MZF1: variants seen among roughly 807,000 people sequenced by gnomAD.
MZF1 encodes the protein zinc finger and SCAN domain-containing protein 6.
Under a neutral mutation model 28.6 loss-of-function variants are expected in MZF1, and 24 were observed. The observed-to-expected ratio is 0.84, with a 90% CI of 0.61 to 1.18. The LOEUF (loss-of-function observed/expected upper bound fraction) is 1.18, where lower values mean the gene tolerates loss of function less well. MZF1 is among the 50% of genes most tolerant of loss of function. MZF1 has a pLI of 0.00. For synonymous variants in MZF1, 516 were observed against 432.5 expected, an observed-to-expected ratio of 1.19 and a Z score of -2.40; for missense variants, 1,166 against 1,026.4, an observed-to-expected ratio of 1.14 and a Z score of -1.86.
At chr19:58,570,240 A>C in intron 3 of MZF1, 104 bp downstream of exon 3, 1 of 1,275,328 alleles carries the variant, frequency 7.8e-7, no homozygotes, top group Non-Finnish European at 1.1e-6. Flanking sequence ...AAACCATTCC[A>C]TTTATAACAA....
chr19:58,564,902 G>GGTTTTTTTTTTTTT (rs1872485914), intron 5 of MZF1, among the ~76,000 whole-genome samples: 1 of 41,954 alleles, frequency 2.4e-5, no homozygotes, highest in Non-Finnish European at 4.9e-5. Context: ...CCATGTGTGT[G>GGTTTTTTTTTTTTT]TTTTTTTTTT....
intron 1 of MZF1, chr19:58,571,856 A>G (rs1207011899): frequency 5.9e-6 from 1 of 170,130 alleles, no homozygotes; most frequent in Non-Finnish European, 1.3e-5. Flanking sequence ...ATTTTTCTGT[A>G]GGGATGGGAT....
intron 1 of MZF1, chr19:58,572,565 G>T (rs1263132379): frequency 7.8e-7 from 1 of 1,289,536 alleles, no homozygotes; most frequent in Non-Finnish European, 1.0e-6. Flanking sequence ...TCCTCGCGCT[G>T]TTCCTTCTGC....
chr19:58,563,001 G>A lies in MZF1; in HGVS notation c.1276C>T (p.Arg426Cys). ...TGCACTCTCCGATGCTCTTCCAGGC[G>A]CGCGCTGCGCACGAAGCCCTGGCCA... ...DCGQGFVRSARLEEHRRVHTG... is the reference protein window; with the variant it reads ...DCGQGFVRSACLEEHRRVHTG... The change falls in exon 6 of 6, where the codon CGC (arginine) becomes TGC (cysteine). Residue 426 changes from arginine to cysteine, a missense_variant. By Grantham distance (180) the Arg-to-Cys change is radical. Transcript: ENST00000215057. 1 of 1,601,930 alleles carries A rather than the reference G, an allele frequency of 6.2e-7. No individual in the cohort carries two copies. The highest frequency in any genetic ancestry group is 8.5e-7 in the Non-Finnish European group (1 of 1,179,666).
In MZF1 at chr19:58,563,554, G is replaced by A. The variant is rs1266939214; in HGVS notation, c.773-50C>T. The A allele has an allele frequency of 1.9e-5, 27 of 1,428,502 alleles. 1 individual carries two copies. The highest frequency in any genetic ancestry group is 1.8e-4 in the Middle Eastern group (1 of 5,602). The allele number at this position is 1,428,502 out of a possible 1,614,324, so 88.5% of individuals were successfully genotyped here. On this transcript the variant is annotated intron_variant, in intron 5 of 5. Transcript: ENST00000215057. ...TTCATGACAGAATGCCCACCGTGCCGGGACCCACTTCATCCCTGGGGACAC... is the reference window on the plus strand; with the variant it reads ...TTCATGACAGAATGCCCACCGTGCCAGGACCCACTTCATCCCTGGGGACAC...
rs1490659564 is a variant in MZF1 at position 58,571,048 on chromosome 19, C to T, written c.342G>A (p.Glu114=). The change falls in exon 2 of 6, where the codon GAG becomes GAA. Residue 114 remains glutamate (E), a synonymous_variant. Transcript: ENST00000215057. ...GCAGCCCATCTACTAGGGCAGCAGCCTCCTCGGGGCTGCCTGGCCGCTGCC... is the reference window on the plus strand; with the variant it reads ...GCAGCCCATCTACTAGGGCAGCAGCTTCCTCGGGGCTGCCTGGCCGCTGCC... ...VQGQRPGSPE[E]AAALVDGLRR... 1.9e-6 allele frequency: 3 copies of T among 1,612,818 alleles called. No homozygotes were observed. The East Asian group carries it at 6.7e-5, about 36-fold the overall frequency.
At chr19:58,572,340 A>G (rs112644002) in intron 1 of MZF1, among the ~76,000 whole-genome samples, 11 of 151,586 alleles carry the variant, frequency 7.3e-5, no homozygotes, top group African/African-American at 2.4e-4. Flanking sequence ...TCTAAGCCCA[A>G]CATCACACTA....
rs750692129 is a variant in MZF1, at chr19:58,570,500, C to T, written c.424G>A (p.Val142Ile). 3 of 1,613,320 alleles carry T rather than the reference C, an allele frequency of 1.9e-6. No homozygotes were observed. The highest frequency in any genetic ancestry group is 1.3e-5 in the African/African-American group (1 of 74,876). Residue 142 changes from valine (V) to isoleucine (I), a missense_variant, in exon 3 of 6, where the codon GTC (valine) becomes ATC (isoleucine). Val to Ile is a conservative substitution (Grantham distance 29, BLOSUM62 3). Coordinates refer to ENST00000215057, the MANE Select transcript of MZF1 (RefSeq NM_198055.2). ...WVTVQVQGQEVLSEKMEPSSF... is the reference protein window; with the variant it reads ...WVTVQVQGQEILSEKMEPSSF... Reference sequence around the variant, plus strand: ...GAGGGCTCCATCTTCTCTGATAGGACCTCCTGGCCCTGCACCTGGACTGTG... The same window carrying T: ...GAGGGCTCCATCTTCTCTGATAGGATCTCCTGGCCCTGCACCTGGACTGTG...
chr19:58,571,378 C>T lies in MZF1; in HGVS notation c.12G>A (p.Ala4=), dbSNP rs748435646. Residue 4 remains alanine, a synonymous_variant, in exon 2 of 6, where the codon GCG becomes GCA. Transcript: ENST00000215057. MRP[A]VLGSPDRAPP... is the part of the protein sequence containing the mutation. ...GTGCTCGGTCTGGGGAGCCCAGCAC[C>T]GCAGGCCTCATAGAGGGTACCAGGT... is the stretch of plus-strand genomic sequence containing the variant. 28 of 1,613,966 alleles carry T rather than the reference C, an allele frequency of 1.7e-5. 1 individual carries two copies. Among genetic ancestry groups the T allele is most frequent in the African/African-American group, 6.7e-5 (5 of 74,920 alleles).
intron 1 of MZF1, chr19:58,572,455 G>A: frequency 1.0e-6 from 1 of 983,570 alleles, no homozygotes; most frequent in Non-Finnish European, 1.4e-6. Flanking sequence ...TGCCGGAACA[G>A]GAGCCTGCAA....
intron 5 of MZF1, chr19:58,564,389 G>A (rs2053999003): frequency 6.6e-6 from 1 of 152,104 alleles, no homozygotes; most frequent in South Asian, 2.1e-4. Flanking sequence ...CAGGCAAAAG[G>A]CTAATTAACC....
At position 58,564,898 on chromosome 19, in the gene MZF1, G is replaced by GTTTTTTTTTTTTT. The variant is rs1600099960; in HGVS notation, c.773-1395_773-1394insAAAAAAAAAAAAA. On this transcript the variant is annotated intron_variant, in intron 5 of 5. Transcript: ENST00000215057. Reference sequence around the variant, plus strand: ...CAGGGTGGAGAATAAGCATCCATGTGTGTGTTTTTTTTTTTTTTTTTTTTT... The same window carrying GTTTTTTTTTTTTT: ...CAGGGTGGAGAATAAGCATCCATGTGTTTTTTTTTTTTTTGTGTTTTTTTTTTTTTTTTTTTTT... Among the ~76,000 whole-genome samples the GTTTTTTTTTTTTT allele has an allele frequency of 9.8e-4, 90 of 91,938 alleles. 17 individuals carry two copies. Among genetic ancestry groups the GTTTTTTTTTTTTT allele is most frequent in the African/African-American group, 4.2e-3 (79 of 18,938 alleles). 60.3% of individuals were successfully genotyped at this position (91,938 alleles called of 152,430 possible). A position where few individuals can be genotyped will look rare whatever the true frequency, so the allele number is the denominator to read the frequency against.
rs561503997 is a variant in MZF1, at chr19:58,569,504, G to A, written c.651+12C>T. ...GGGAAAGGAGGAGAACATGGACCTGGGCAGGACTTACCTGGGCCTCCTCAG... is the reference window on the plus strand; with the variant it reads ...GGGAAAGGAGGAGAACATGGACCTGAGCAGGACTTACCTGGGCCTCCTCAG... On this transcript the variant is annotated intron_variant, in intron 4 of 5. Coordinates refer to ENST00000215057, the MANE Select transcript of MZF1 (RefSeq NM_198055.2). The A allele has an allele frequency of 6.2e-7, 1 of 1,612,622 alleles. No homozygotes were observed. The highest frequency in any genetic ancestry group is 1.3e-5 in the African/African-American group (1 of 74,964).
At chr19:58,564,922 T>G (rs1052886411) in intron 5 of MZF1, among the ~76,000 whole-genome samples, 81 of 119,210 alleles carry the variant, frequency 6.8e-4, no homozygotes, top group Non-Finnish European at 9.1e-4. Context: ...TTTTTTTTTT[T>G]TTTTTTTTTT....
chr19:58,563,711 A>T (rs2053984529), intron 5 of MZF1: 1 of 508,370 alleles, frequency 2.0e-6, no homozygotes, highest in African/African-American at 1.9e-5. Flanking sequence ...AAGGAGGAAG[A>T]CTGGGCTATG....
Position 58,562,872 on chromosome 19 carries a change from C to T in MZF1, c.1405G>A (p.Gly469Ser), listed in dbSNP as rs757215553. The T allele has an allele frequency of 6.4e-7, 1 of 1,553,908 alleles. No homozygotes were observed. The highest frequency in any genetic ancestry group is 8.6e-7 in the Non-Finnish European group (1 of 1,156,282). ...QRIHGDPPGP[G>S]AKPPAPPGAP... ...CCAGGAGGGGCCGGGGGCTTAGCGCCAGGGCCCGGGGGATCGCCGTGGATG... is the reference window on the plus strand; with the variant it reads ...CCAGGAGGGGCCGGGGGCTTAGCGCTAGGGCCCGGGGGATCGCCGTGGATG... The change falls in exon 6 of 6, where the codon GGC becomes AGC. Residue 469 changes from glycine (G) to serine (S), a missense_variant. Coordinates refer to ENST00000215057, the MANE Select transcript of MZF1 (RefSeq NM_198055.2).
chr19:58,567,811 C>G (rs1306828559), intron 5 of MZF1, among the ~76,000 whole-genome samples: 4 of 152,126 alleles, frequency 2.6e-5, no homozygotes, highest in African/African-American at 9.7e-5. Context: ...GAATAGAGAA[C>G]ACACTGTTTT....
At chr19:58,572,643 G>T (rs1021655825) in intron 1 of MZF1, 7 of 1,288,976 alleles carry the variant, frequency 5.4e-6, no homozygotes, top group African/African-American at 3.0e-5. Context: ...TCCCCCGTGG[G>T]TGGCATCGAT....
At chr19:58,572,669 A>C in intron 1 of MZF1, 1 of 1,261,264 alleles carries the variant, frequency 7.9e-7, no homozygotes, top group Non-Finnish European at 1.0e-6. Context: ...GGGCCGCCTC[A>C]TCCTGGGGGC....
Sources: gnomAD v4.1 joint callset for allele counts (sites outside exome capture counted in the v4.1 genomes callset) on GRCh38, gnomAD v4.1.1 for gene constraint, MANE v1.5 for transcripts, NCBI Gene and HGNC (gene_info 2026-07-23, HGNC 2026-07-21) for gene names.